Variants in TEX36 observed in about 807,000 individuals in gnomAD.
The protein encoded by TEX36 is testis-expressed protein 36.
Under a neutral mutation model 13.6 loss-of-function variants are expected in TEX36, and 12 were observed. The observed-to-expected ratio is 0.88, with a 90% CI of 0.56 to 1.43. The LOEUF (loss-of-function observed/expected upper bound fraction) is 1.43. Among genes scored for constraint, TEX36 ranks in the 40% most tolerant of loss-of-function variants. The probability of loss-of-function intolerance (pLI) is 0.00; values close to 1 mark genes in which losing one functional copy is unlikely to be tolerated. For synonymous variants in TEX36, 93 were observed against 83.0 expected, an observed-to-expected ratio of 1.12 and a Z score of -0.65; for missense variants, 224 against 228.3, an observed-to-expected ratio of 0.98 and a Z score of 0.12.
intron 3 of TEX36, among the ~76,000 whole-genome samples, chr10:125,605,626 G>A (rs890145409): frequency 7.3e-5 from 11 of 151,680 alleles, no homozygotes; most frequent in African/African-American, 2.2e-4. Context: ...TTTTGAGATG[G>A]AGTCTCGCTC....
chr10:125,621,640 T>C (rs972271217), exon 4 of TEX36: 24 of 455,900 alleles, frequency 5.3e-5, no homozygotes, highest in Non-Finnish European at 8.8e-5. Context: ...ATAGGCCATC[T>C]GCAAACTGGG....
downstream of TEX36, among the ~76,000 whole-genome samples, chr10:125,652,259 A>G (rs1373491078): frequency 1.3e-5 from 2 of 152,248 alleles, no homozygotes; most frequent in East Asian, 1.9e-4. Flanking sequence ...CAAGTAACCA[A>G]AACAGCATGG....
chr10:125,682,179 A>G (rs1275059567), intron 1 of TEX36, among the ~76,000 whole-genome samples: 4 of 152,170 alleles, frequency 2.6e-5, no homozygotes, highest in Non-Finnish European at 5.9e-5. Flanking sequence ...CGGCCATGAA[A>G]TATACATGTT....
chr10:125,678,398 G>T (rs1482537338), intron 1 of TEX36, among the ~76,000 whole-genome samples: 1 of 152,076 alleles, frequency 6.6e-6, no homozygotes, highest in South Asian at 2.1e-4. Context: ...CAGTCTTCAG[G>T]CCCCATTGGT....
intron 3 of TEX36, among the ~76,000 whole-genome samples, chr10:125,648,703 C>A (rs1441554824): frequency 1.3e-5 from 2 of 152,134 alleles, no homozygotes; most frequent in Non-Finnish European, 2.9e-5. Flanking sequence ...TAATAACAAA[C>A]TTCTCCGAGC....
intron 3 of TEX36, among the ~76,000 whole-genome samples, chr10:125,588,892 A>G (rs1353773147): frequency 1.3e-5 from 2 of 152,222 alleles, no homozygotes; most frequent in African/African-American, 4.8e-5. Context: ...CTGGGATTGC[A>G]GGCGTGAGCC....
chr10:125,603,253 G>A (rs1025587488), intron 3 of TEX36, among the ~76,000 whole-genome samples: 1 of 152,210 alleles, frequency 6.6e-6, no homozygotes, highest in Admixed American at 6.5e-5. Flanking sequence ...TCCCTTACCA[G>A]ATGGTTTCCA....
chr10:125,617,253 G>A (rs537821030), downstream of TEX36, among the ~76,000 whole-genome samples: 202 of 151,974 alleles, frequency 1.3e-3, 1 homozygote, highest in African/African-American at 4.7e-3. Flanking sequence ...TTGCCAGTCT[G>A]TGTCTTTTAA....
chr10:125,635,307 C>T (rs566578253), intron 3 of TEX36, among the ~76,000 whole-genome samples: 13 of 152,264 alleles, frequency 8.5e-5, no homozygotes, highest in African/African-American at 1.7e-4. Flanking sequence ...CTTTGAAAAA[C>T]GTTGTGCATT....
At chr10:125,629,252 T>C (rs894244495) in intron 3 of TEX36, among the ~76,000 whole-genome samples, 1 of 152,216 alleles carries the variant, frequency 6.6e-6, no homozygotes, top group African/African-American at 2.4e-5. Context: ...ATAGAGACGA[T>C]CTGAAGTTCA....
At chr10:125,667,336 C>T (rs1445915442) in intron 1 of TEX36, 4 of 642,472 alleles carry the variant, frequency 6.2e-6, no homozygotes, top group South Asian at 4.3e-5. Context: ...CCTTCTTGGT[C>T]ACACACTGGC....
chr10:125,615,776 A>G lies in TEX36; in HGVS notation c.265-38902T>C, dbSNP rs1475470073. Reference sequence around the variant, plus strand: ...GGTTGTGTCTCTGCCTGGCTTTGGTATCAGGATGATGCTGGCTTCATAAAA... The same window carrying G: ...GGTTGTGTCTCTGCCTGGCTTTGGTGTCAGGATGATGCTGGCTTCATAAAA... On this transcript the variant is annotated intron_variant, in intron 3 of 3. Coordinates refer to the TEX36 transcript ENST00000532135. 3.9e-5 allele frequency among the ~76,000 whole-genome samples: 6 copies of G among 152,074 alleles called. 1 individual carries two copies. Among genetic ancestry groups the G allele is most frequent in the Admixed American group, 3.9e-4 (6 of 15,272 alleles).
intron 1 of TEX36, among the ~76,000 whole-genome samples, chr10:125,679,145 C>T (rs1019869396): frequency 6.5e-5 from 9 of 138,470 alleles, no homozygotes; most frequent in African/African-American, 9.3e-5. Context: ...AGCACCCCCC[C>T]CGCCCCCGCC....
chr10:125,641,223 G>A (rs1846687145), intron 3 of TEX36, among the ~76,000 whole-genome samples: 1 of 152,160 alleles, frequency 6.6e-6, no homozygotes, highest in African/African-American at 2.4e-5. Context: ...AAACAGAAAT[G>A]GCTTTGGCCA....
At chr10:125,650,564 A>G (rs1846836292) in intron 3 of TEX36, among the ~76,000 whole-genome samples, 1 of 152,216 alleles carries the variant, frequency 6.6e-6, no homozygotes, top group African/African-American at 2.4e-5. Flanking sequence ...TAAAATCGAT[A>G]CCCTAACATC....
chr10:125,642,231 C>T (rs952370727), intron 3 of TEX36, among the ~76,000 whole-genome samples: 1 of 152,266 alleles, frequency 6.6e-6, no homozygotes. Context: ...TCCTACATGT[C>T]GAAGGCAAAG....
chr10:125,599,297 G>A (rs1017605441), intron 3 of TEX36, among the ~76,000 whole-genome samples: 3 of 152,140 alleles, frequency 2.0e-5, no homozygotes, highest in Admixed American at 6.5e-5. Context: ...CCAGGGAGAC[G>A]CATGTCCTGG....
intron 3 of TEX36, among the ~76,000 whole-genome samples, chr10:125,612,008 T>C (rs1846295442): frequency 1.3e-5 from 2 of 152,188 alleles, no homozygotes; most frequent in East Asian, 3.9e-4. Flanking sequence ...TGGCCTACTG[T>C]AGCATGCGAG....
chr10:125,598,335 CA>C (rs941708161), intron 3 of TEX36, among the ~76,000 whole-genome samples: 27 of 152,322 alleles, frequency 1.8e-4, no homozygotes, highest in Admixed American at 9.8e-4. Flanking sequence ...AACAGGATTA[CA>C]AAAACTGGGT....
Sources: allele counts gnomAD v4.1 joint callset (sites outside exome capture counted in the v4.1 genomes callset), GRCh38; gene constraint gnomAD v4.1.1; transcripts MANE v1.5; gene names NCBI Gene and HGNC (gene_info 2026-07-23, HGNC 2026-07-21).